Variants in HDX observed in about 807,000 individuals in gnomAD.
The protein encoded by HDX is highly divergent homeobox, also known as chromosome X open reading frame 43.
A neutral mutation model predicts 45.2 loss-of-function variants in HDX; 19 were observed. The observed-to-expected ratio is 0.42, with a 90% CI of 0.29 to 0.62. HDX has a LOEUF of 0.62. HDX is among the 20% of genes least tolerant of loss of function. The pLI is 0.20. For missense variants in HDX, 532 were observed against 493.9 expected (o/e 1.08, Z -0.73); for synonymous variants, 188 against 172.8 (o/e 1.09, Z -0.69).
chrX:84,428,230 C>A, intron 5 of HDX, among the ~76,000 whole-genome samples: 1 of 110,345 alleles, frequency 9.1e-6, no homozygotes, highest in South Asian at 3.8e-4. Context: ...CTTGTCTTTT[C>A]ATTATCATAA....
intron 5 of HDX, among the ~76,000 whole-genome samples, chrX:84,415,276 C>T (rs1213971542): frequency 8.9e-6 from 1 of 112,216 alleles, no homozygotes; most frequent in East Asian, 2.8e-4. Context: ...GCATGATATC[C>T]TGCCAATAGT....
intron 5 of HDX, among the ~76,000 whole-genome samples, chrX:84,404,974 A>T (rs1339903171): frequency 9.0e-6 from 1 of 111,345 alleles, no homozygotes; most frequent in East Asian, 2.8e-4. Flanking sequence ...ATTGTATGAA[A>T]ATTTTAATAT....
chrX:84,498,398 G>A (rs2041051986), intron 1 of HDX, among the ~76,000 whole-genome samples: 1 of 111,519 alleles, frequency 9.0e-6, no homozygotes. Flanking sequence ...GAATATGCCA[G>A]TGTCTCAAGC....
chrX:84,497,905 G>A (rs2041040469), intron 1 of HDX, among the ~76,000 whole-genome samples: 1 of 111,336 alleles, frequency 9.0e-6, no homozygotes, highest in African/African-American at 3.3e-5. Context: ...CCTTGCATGA[G>A]CACCATACAC....
At position 84,468,925 on chromosome X, in the gene HDX, A is replaced by G; in HGVS notation, c.798T>C (p.Phe266=). 1 of 1,211,605 alleles carries G rather than the reference A, an allele frequency of 8.3e-7. No individual in the cohort carries two copies. The highest frequency in any genetic ancestry group is 1.7e-5 in the African/African-American group (1 of 57,787). ...GGGGGTAATCGCTAACTGCCAATGA[A>G]AACACTTCACGGATTTCCAAGTTTT... is the stretch of plus-strand genomic sequence containing the variant. ...RTQNLEIREV[F]SLAVSDYPQR... The change falls in exon 4 of 11, where the codon TTT becomes TTC. Residue 266 remains phenylalanine, a synonymous_variant. Coordinates refer to ENST00000373177, the MANE Select transcript of HDX (RefSeq NM_001177479.2).
At chrX:84,447,873 C>T (rs893418981) in intron 4 of HDX, among the ~76,000 whole-genome samples, 1 of 111,350 alleles carries the variant, frequency 9.0e-6, no homozygotes, top group Non-Finnish European at 1.9e-5. Flanking sequence ...CCACCTGTGA[C>T]TGAGATGCCT....
chrX:84,426,473 A>C, intron 5 of HDX, among the ~76,000 whole-genome samples: 1 of 111,325 alleles, frequency 9.0e-6, no homozygotes, highest in East Asian at 2.8e-4. Context: ...CGCCTTTAAA[A>C]AGAAAGAAAC....
intron 5 of HDX, among the ~76,000 whole-genome samples, chrX:84,438,695 G>A (rs1197375811): frequency 1.8e-5 from 2 of 111,074 alleles, no homozygotes; most frequent in African/African-American, 6.5e-5. Context: ...GCCTCCAGCT[G>A]CATCTATGTT....
chrX:84,379,732 A>G lies in HDX; in HGVS notation c.1306-18120T>C, dbSNP rs2038143767. 1.8e-5 allele frequency among the ~76,000 whole-genome samples: 2 copies of G among 110,932 alleles called. 1 individual carries two copies. Among genetic ancestry groups the G allele is most frequent in the Non-Finnish European group, 3.8e-5 (2 of 52,630 alleles). ...AACCTATGGGATACAGAAAAGCAGT[A>G]CTAAGAGTTTATGGCTATAATTGCC... On this transcript the variant is annotated intron_variant, in intron 5 of 10. Coordinates refer to ENST00000373177, the MANE Select transcript of HDX (RefSeq NM_001177479.2).
intron 5 of HDX, among the ~76,000 whole-genome samples, chrX:84,397,958 C>G (rs1468173055): frequency 9.0e-6 from 1 of 110,860 alleles, no homozygotes; most frequent in Non-Finnish European, 1.9e-5. Flanking sequence ...ATAACCATAA[C>G]AGCGTGAGAA....
intron 6 of HDX, among the ~76,000 whole-genome samples, chrX:84,349,360 T>G (rs978884865): frequency 3.7e-5 from 4 of 107,597 alleles, no homozygotes; most frequent in African/African-American, 1.4e-4. Context: ...AAGTCCAATT[T>G]CATTTTATTC....
At chrX:84,500,834 C>T (rs141497991) in intron 1 of HDX, among the ~76,000 whole-genome samples, 2,240 of 111,237 alleles carry the variant, frequency 0.02, 60 homozygotes, top group African/African-American at 0.069. Context: ...CTTTAAAATT[C>T]GGGTGGAATT....
At chrX:84,380,563 G>T (rs1424276106) in intron 5 of HDX, among the ~76,000 whole-genome samples, 1 of 111,420 alleles carries the variant, frequency 9.0e-6, no homozygotes, top group African/African-American at 3.2e-5. Flanking sequence ...TGCGAGCATG[G>T]TTCAACATAT....
intron 5 of HDX, among the ~76,000 whole-genome samples, chrX:84,363,096 A>G (rs1197061082): frequency 8.9e-6 from 1 of 111,902 alleles, no homozygotes; most frequent in Non-Finnish European, 1.9e-5. Flanking sequence ...CTACTTAAAA[A>G]ATCCCTGATG....
chrX:84,458,054 G>A (rs1329713619), intron 4 of HDX, among the ~76,000 whole-genome samples: 2 of 111,694 alleles, frequency 1.8e-5, no homozygotes, highest in Non-Finnish European at 3.8e-5. Flanking sequence ...TTTTTAATAA[G>A]TACAAATACA....
At chrX:84,338,885 C>T (rs186356218) in intron 7 of HDX, among the ~76,000 whole-genome samples, 2 of 110,873 alleles carry the variant, frequency 1.8e-5, no homozygotes, top group Admixed American at 9.6e-5. Flanking sequence ...TGTAGCACCC[C>T]ATCCCTCTTC....
At chrX:84,396,338 ATCTATGATATCC>A (rs2038562596) in intron 5 of HDX, among the ~76,000 whole-genome samples, 1 of 112,375 alleles carries the variant, frequency 8.9e-6, no homozygotes, top group African/African-American at 3.2e-5. Context: ...CATTATTGGT[ATCTATGATATCC>A]TTGATGTTTT....
intron 5 of HDX, among the ~76,000 whole-genome samples, chrX:84,370,912 T>A (rs1189512597): frequency 1.8e-5 from 2 of 112,300 alleles, no homozygotes; most frequent in Non-Finnish European, 3.8e-5. Context: ...TAGCAGGAAG[T>A]ATCTTTAATA....
intron 5 of HDX, among the ~76,000 whole-genome samples, chrX:84,362,514 AAT>A (rs1024793919): frequency 9.1e-6 from 1 of 110,414 alleles, no homozygotes; most frequent in South Asian, 3.9e-4. Flanking sequence ...CTTTAATTAA[AAT>A]ATATATATCC....
Sources: allele counts gnomAD v4.1 joint callset (sites outside exome capture counted in the v4.1 genomes callset), GRCh38; gene constraint gnomAD v4.1.1; transcripts MANE v1.5; gene names NCBI Gene and HGNC (gene_info 2026-07-23, HGNC 2026-07-21).